Variants in SLC35F4 observed in about 807,000 individuals in gnomAD.
The protein encoded by SLC35F4 is chromosome 14 open reading frame 36.
SLC35F4 carries 24 observed loss-of-function variants against 44.2 expected under a neutral mutation model. The observed-to-expected ratio is 0.54, with a 90% CI of 0.39 to 0.76. The LOEUF (loss-of-function observed/expected upper bound fraction) is 0.76, where lower values mean the gene tolerates loss of function less well. Ranked by LOEUF, SLC35F4 falls within the 30% of genes least tolerant of loss-of-function variation. The probability of loss-of-function intolerance (pLI) is 0.00; values close to 1 mark genes in which losing one functional copy is unlikely to be tolerated. For missense variants in SLC35F4, 562 were observed against 586.1 expected, an observed-to-expected ratio of 0.96 and a Z score of 0.42; for synonymous variants, 238 against 223.6, an observed-to-expected ratio of 1.06 and a Z score of -0.57.
At chr14:57,830,545 A>G (rs1216517096) in intron 1 of SLC35F4, among the ~76,000 whole-genome samples, 1 of 152,220 alleles carries the variant, frequency 6.6e-6, no homozygotes, top group Non-Finnish European at 1.5e-5. Flanking sequence ...GTCTAGCATG[A>G]GAAAGATTGA....
At chr14:57,598,058 G>A (rs920647522) in intron 1 of SLC35F4, among the ~76,000 whole-genome samples, 10 of 152,124 alleles carry the variant, frequency 6.6e-5, no homozygotes, top group South Asian at 2.1e-4. Flanking sequence ...GGAGCTTAGC[G>A]ACCTACAGGG....
Position 57,864,923 on chromosome 14 carries a change from C to T in SLC35F4, c.103+800G>A, listed in dbSNP as rs140039869. On this transcript the variant is annotated intron_variant, in intron 1 of 7. Coordinates refer to ENST00000556826, the MANE Select transcript of SLC35F4 (RefSeq NM_001306087.2). ...GGGGAGGGGGACTGCGAGCAGAGCACACCTCATCGCCCTCCCACCAAAACT... is the reference window on the plus strand; with the variant it reads ...GGGGAGGGGGACTGCGAGCAGAGCATACCTCATCGCCCTCCCACCAAAACT... 2.5e-3 allele frequency among the ~76,000 whole-genome samples: 379 copies of T among 152,300 alleles called. 1 individual carries two copies. Among genetic ancestry groups the T allele is most frequent in the African/African-American group, 8.6e-3 (357 of 41,576 alleles).
At chr14:57,835,618 AG>A (rs1884840157) in intron 1 of SLC35F4, among the ~76,000 whole-genome samples, 1 of 152,194 alleles carries the variant, frequency 6.6e-6, no homozygotes, top group Admixed American at 6.5e-5. Flanking sequence ...GTAATTACTG[AG>A]GACTCAAGAG....
chr14:57,778,636 T>C (rs1207025550), intron 1 of SLC35F4, among the ~76,000 whole-genome samples: 2 of 152,028 alleles, frequency 1.3e-5, no homozygotes, highest in Admixed American at 6.6e-5. Context: ...AATAGACATC[T>C]ACAGAACGAT....
chr14:57,925,057 G>A (rs556949568), intron 1 of SLC35F4, among the ~76,000 whole-genome samples: 127 of 151,948 alleles, frequency 8.4e-4, no homozygotes, highest in Non-Finnish European at 1.5e-3. Context: ...GCCTGGCCAC[G>A]AGGCTCTTTT....
intron 6 of SLC35F4, 117 bp downstream of exon 6, chr14:57,569,671 C>A: frequency 1.7e-6 from 2 of 1,171,504 alleles, no homozygotes; most frequent in Non-Finnish European, 2.3e-6. Context: ...CATTGAACAA[C>A]ATAAGTTTGG....
intron 1 of SLC35F4, among the ~76,000 whole-genome samples, chr14:57,642,507 G>C (rs1245114131): frequency 6.7e-6 from 1 of 150,282 alleles, no homozygotes; most frequent in African/African-American, 2.5e-5. Context: ...TAAATCAGAA[G>C]TTTAACTTTC....
chr14:57,639,169 C>T (rs1256890037), intron 1 of SLC35F4, among the ~76,000 whole-genome samples: 1 of 152,058 alleles, frequency 6.6e-6, no homozygotes, highest in East Asian at 1.9e-4. Flanking sequence ...AAAATAATCT[C>T]ATTAGCTAAG....
chr14:57,789,866 A>C (rs1272707982), intron 1 of SLC35F4, among the ~76,000 whole-genome samples: 1 of 152,252 alleles, frequency 6.6e-6, no homozygotes, highest in Non-Finnish European at 1.5e-5. Context: ...AATGTAATGC[A>C]TCACATAAAC....
At chr14:57,802,985 CAAAAAAAAA>C (rs59647111) in intron 1 of SLC35F4, among the ~76,000 whole-genome samples, 1 of 71,320 alleles carries the variant, frequency 1.4e-5, no homozygotes, top group Non-Finnish European at 2.6e-5. Flanking sequence ...GCAGAGATAC[CAAAAAAAAA>C]AAAAAAAAAA....
intron 1 of SLC35F4, among the ~76,000 whole-genome samples, chr14:57,722,875 G>A (rs974277691): frequency 4.6e-5 from 7 of 152,126 alleles, no homozygotes; most frequent in Admixed American, 3.3e-4. Context: ...ACTTGAGCTG[G>A]TTTACAGACT....
intron 1 of SLC35F4, among the ~76,000 whole-genome samples, chr14:57,909,875 A>C (rs1354014830): frequency 6.6e-6 from 1 of 152,148 alleles, no homozygotes; most frequent in Non-Finnish European, 1.5e-5. Context: ...GAGTATTTTT[A>C]ATTTTGTAAG....
chr14:57,600,584 T>TG (rs2070755223), intron 1 of SLC35F4, among the ~76,000 whole-genome samples: 1 of 139,126 alleles, frequency 7.2e-6, no homozygotes, highest in Non-Finnish European at 1.5e-5. Context: ...CCCAGCTACC[T>TG]GGGAGGCTGA....
intron 1 of SLC35F4, among the ~76,000 whole-genome samples, chr14:57,817,617 C>T (rs1882746315): frequency 6.6e-6 from 1 of 151,936 alleles, no homozygotes; most frequent in Non-Finnish European, 1.5e-5. Flanking sequence ...GTGGAGAATA[C>T]ATATGAGACA....
rs192041689 is a variant in SLC35F4, at chr14:57,705,764, T to C, written c.104-111640A>G. Among the ~76,000 whole-genome samples, 275 of 152,324 alleles carry C rather than the reference T, an allele frequency of 1.8e-3. 1 individual carries two copies. The highest frequency in any genetic ancestry group is 1.9e-3 in the Non-Finnish European group (126 of 68,022). On this transcript the variant is annotated intron_variant, in intron 1 of 7. Coordinates refer to ENST00000556826, the MANE Select transcript of SLC35F4 (RefSeq NM_001306087.2). ...TTAACCCTGTACACACCTCTATATA[T>C]AGTCCATAACACTTTTTAATTAAAG...
upstream of SLC35F4, among the ~76,000 whole-genome samples, chr14:57,871,054 C>T (rs1888287813): frequency 6.6e-6 from 1 of 152,206 alleles, no homozygotes; most frequent in South Asian, 2.1e-4. Context: ...GTGGGAGGCA[C>T]TCAGGTCCTG....
chr14:57,759,588 T>C (rs1412018801), intron 1 of SLC35F4, among the ~76,000 whole-genome samples: 1 of 152,126 alleles, frequency 6.6e-6, no homozygotes, highest in Non-Finnish European at 1.5e-5. Context: ...AAAAAAATTC[T>C]TTTTTAGGGA....
intron 1 of SLC35F4, among the ~76,000 whole-genome samples, chr14:57,649,160 C>T (rs2073674153): frequency 1.3e-5 from 2 of 152,190 alleles, no homozygotes; most frequent in Non-Finnish European, 2.9e-5. Context: ...CTTGTGTCCC[C>T]ATTTATAATT....
At chr14:57,568,205 G>C (rs2068300958) in intron 6 of SLC35F4, among the ~76,000 whole-genome samples, 1 of 152,222 alleles carries the variant, frequency 6.6e-6, no homozygotes, top group Admixed American at 6.5e-5. Context: ...TGTACCCAGT[G>C]GAGTGTGGAG....
Sources: allele counts gnomAD v4.1 joint callset (sites outside exome capture counted in the v4.1 genomes callset), GRCh38; gene constraint gnomAD v4.1.1; transcripts MANE v1.5; gene names NCBI Gene and HGNC (gene_info 2026-07-23, HGNC 2026-07-21).